Variants in ALG11 observed in about 807,000 individuals in gnomAD.
ALG11 encodes the protein GDP-Man:Man(3)GlcNAc(2)-PP-Dol alpha-1,2-mannosyltransferase.
A neutral mutation model predicts 38.8 loss-of-function variants in ALG11; 26 were observed. The ratio of observed to expected loss-of-function variants is 0.67; its 90% CI spans 0.49 to 0.93. The LOEUF (loss-of-function observed/expected upper bound fraction) is 0.93. Among genes scored for constraint, ALG11 ranks in the 40% least tolerant of loss-of-function variants. The probability of loss-of-function intolerance (pLI) is 0.00; values close to 1 mark genes in which losing one functional copy is unlikely to be tolerated. For synonymous variants in ALG11, 199 were observed against 211.6 expected (o/e 0.94, Z 0.52); for missense variants, 535 against 578.8 (o/e 0.92, Z 0.78).
intron 1 of ALG11, among the ~76,000 whole-genome samples, chr13:52,018,685 A>C (rs766425602): frequency 2.6e-5 from 4 of 152,202 alleles, no homozygotes; most frequent in Admixed American, 2.6e-4. Flanking sequence ...AGTATGTTCA[A>C]TTGGTAACAT....
rs369694921 is a variant in ALG11 at position 52,028,380 on chromosome 13, G to A, written c.1269G>A (p.Lys423=). The A allele has an allele frequency of 1.1e-5, 18 of 1,614,018 alleles. No individual in the cohort carries two copies. The Admixed American group carries it at 1.3e-4, about 12-fold the overall frequency. ...IILAHNSGGP[K]LDIVVPHEGD... The stretch of plus-strand genomic sequence containing the variant: ...TTGCACACAATTCGGGGGGCCCAAA[G>A]CTTGACATTGTGGTTCCTCACGAAG... The change falls in exon 4 of 4, where the codon AAG becomes AAA. Residue 423 remains lysine (K), a synonymous_variant. Coordinates refer to ENST00000521508, the MANE Select transcript of ALG11 (RefSeq NM_001004127.3).
Position 52,024,922 on chromosome 13 carries a change from G to A in ALG11, c.1192G>A (p.Glu398Lys), listed in dbSNP as rs387907183. 2.5e-6 allele frequency: 4 copies of A among 1,609,726 alleles called. No individual in the cohort carries two copies. Among genetic ancestry groups the A allele is most frequent in the Admixed American group, 1.7e-5 (1 of 60,020 alleles). ...ATIGLHTMWNEHFGIGVVECM... is the reference protein window; with the variant it reads ...ATIGLHTMWNKHFGIGVVECM... ...AATTGGTCTGCATACCATGTGGAAC[G>A]AGCATTTTGGGATTGGTGAGTTTGG... is the stretch of plus-strand genomic sequence containing the variant. Residue 398 changes from glutamate (E) to lysine (K), a missense_variant, in exon 3 of 4, where the codon GAG (glutamate) becomes AAG (lysine). By Grantham distance (56) the Glu-to-Lys change is moderately conservative. Transcript: ENST00000521508.
At position 52,029,831 on chromosome 13, in the gene ALG11, G is replaced by A. The variant is rs1377571263; in HGVS notation, c.*1241G>A. 1.9e-6 allele frequency: 3 copies of A among 1,614,232 alleles called. No individual in the cohort carries two copies. Among genetic ancestry groups the A allele is most frequent in the Non-Finnish European group, 2.5e-6 (3 of 1,180,044 alleles). On this transcript the variant is annotated 3_prime_UTR_variant, in exon 4 of 4. Transcript: ENST00000521508. ...GAAACTCCAGGTAGCCTCTGAGAGT[G>A]AGGAAGAGGAGGGAGGCACAGAAGT... is the stretch of plus-strand genomic sequence containing the variant.
chr13:52,018,796 A>G (rs1015401918), intron 1 of ALG11, 117 bp from the exon 2 acceptor site: 3 of 867,558 alleles, frequency 3.5e-6, no homozygotes, highest in Middle Eastern at 3.4e-4. Context: ...AGACTCGTTA[A>G]AGACAATTCT....
intron 2 of ALG11, among the ~76,000 whole-genome samples, chr13:52,020,018 C>G (rs777533935): frequency 6.6e-6 from 1 of 152,034 alleles, no homozygotes; most frequent in East Asian, 1.9e-4. Flanking sequence ...TAACTGGTCC[C>G]CTTGGGAGAG....
rs1332195077 is a variant in ALG11 at position 52,031,210 on chromosome 13, A to G, written c.*2620A>G. 1.3e-5 allele frequency: 19 copies of G among 1,488,574 alleles called. No individual in the cohort carries two copies. Among genetic ancestry groups the G allele is most frequent in the South Asian group, 1.4e-5 (1 of 69,492 alleles). The allele number at this position is 1,488,574 out of a possible 1,614,324, so 92.2% of individuals were successfully genotyped here. On this transcript the variant is annotated 3_prime_UTR_variant, in exon 4 of 4. Transcript: ENST00000521508. ...TTCCAAAACTGGCTCAGCACATTGC[A>G]TGTAGTTGAGCCACATTTTTTAAAA...
rs771264266 is a variant in ALG11, at chr13:52,029,902, T to C, written c.*1312T>C. On this transcript the variant is annotated 3_prime_UTR_variant, in exon 4 of 4. Transcript: ENST00000521508. ...ATGTAGCGAATGAAGTGCAGATGAATGTGGACGGACCGAATCCCTGGATGT... is the reference window on the plus strand; with the variant it reads ...ATGTAGCGAATGAAGTGCAGATGAACGTGGACGGACCGAATCCCTGGATGT... 6.2e-7 allele frequency: 1 copy of C among 1,614,150 alleles called. No individual in the cohort carries two copies. The highest frequency in any genetic ancestry group is 8.5e-7 in the Non-Finnish European group (1 of 1,180,028).
chr13:52,012,548 A>G (rs1245193033), intron 1 of ALG11, 86 bp downstream of exon 1: 1 of 1,577,248 alleles, frequency 6.3e-7, no homozygotes, highest in Non-Finnish European at 8.7e-7. Context: ...TTTGCGGGCA[A>G]ATGGCCTTCC....
Position 52,029,269 on chromosome 13 carries a change from G to A in ALG11, c.*679G>A. 1 of 1,614,208 alleles carries A rather than the reference G, an allele frequency of 6.2e-7. No homozygotes were observed. The highest frequency in any genetic ancestry group is 1.1e-5 in the South Asian group (1 of 91,082). ...TCCTGAAGAACCAGCAGGCAGAGCA[G>A]CTGGTTTTTCCCCTGGGGAAGGAGC... On this transcript the variant is annotated 3_prime_UTR_variant, in exon 4 of 4. Transcript: ENST00000521508.
chr13:52,012,520 C>T, intron 1 of ALG11, 58 bp downstream of exon 1: 2 of 1,612,326 alleles, frequency 1.2e-6, no homozygotes, highest in Non-Finnish European at 8.5e-7. Context: ...GGTACTTGCC[C>T]GTCCAGTGTA....
At chr13:52,013,755 C>T (rs1328823665) in intron 1 of ALG11, among the ~76,000 whole-genome samples, 3 of 152,134 alleles carry the variant, frequency 2.0e-5, no homozygotes, top group Non-Finnish European at 4.4e-5. Flanking sequence ...TAAATCTTAC[C>T]ACTTTTGTCA....
intron 1 of ALG11, chr13:52,017,252 A>G (rs1352383397): frequency 6.6e-6 from 1 of 152,300 alleles, no homozygotes; most frequent in Non-Finnish European, 1.5e-5. Context: ...TTACAGGCTC[A>G]TAGGCAGAAG....
intron 1 of ALG11, among the ~76,000 whole-genome samples, chr13:52,015,030 A>C (rs1024877491): frequency 4.6e-5 from 7 of 152,224 alleles, no homozygotes; most frequent in African/African-American, 1.7e-4. Context: ...AGATTTGTTC[A>C]CAATAGGAAC....
chr13:52,018,848 C>A, intron 1 of ALG11, 65 bp from the exon 2 acceptor site: 1 of 1,370,716 alleles, frequency 7.3e-7, no homozygotes. Flanking sequence ...TAAAAGCAGA[C>A]TTTAATTTGT....
Position 52,031,041 on chromosome 13 carries a change from T to C in ALG11, c.*2451T>C. 1 of 1,614,164 alleles carries C rather than the reference T, an allele frequency of 6.2e-7. No homozygotes were observed. The highest frequency in any genetic ancestry group is 8.5e-7 in the Non-Finnish European group (1 of 1,180,024). On this transcript the variant is annotated 3_prime_UTR_variant, in exon 4 of 4. Coordinates refer to ENST00000521508, the MANE Select transcript of ALG11 (RefSeq NM_001004127.3). Reference sequence around the variant, plus strand: ...TACCAGTCTTCCTCAAGGTCAGACCTGCCTGTCATACAGAGGAATCCAAAA... The same window carrying C: ...TACCAGTCTTCCTCAAGGTCAGACCCGCCTGTCATACAGAGGAATCCAAAA...
At chr13:52,014,612 A>G (rs1954119394) in intron 1 of ALG11, among the ~76,000 whole-genome samples, 1 of 151,428 alleles carries the variant, frequency 6.6e-6, no homozygotes, top group Non-Finnish European at 1.5e-5. Context: ...ATAGCTTACT[A>G]CAGCCTTGAA....
chr13:52,019,353 C>G (rs938402481), intron 2 of ALG11, among the ~76,000 whole-genome samples: 3 of 151,394 alleles, frequency 2.0e-5, no homozygotes, highest in Admixed American at 6.6e-5. Flanking sequence ...TCCCGAGTAG[C>G]TGGGACTACA....
At chr13:52,016,797 AG>A (rs1954137970) in intron 1 of ALG11, 1 of 152,248 alleles carries the variant, frequency 6.6e-6, no homozygotes, top group East Asian at 1.9e-4. Context: ...GCAGTGCAGA[AG>A]GGAAATGTGG....
chr13:52,029,388 A>G lies in ALG11; in HGVS notation c.*798A>G. 6.2e-7 allele frequency: 1 copy of G among 1,614,138 alleles called. No individual in the cohort carries two copies. On this transcript the variant is annotated 3_prime_UTR_variant, in exon 4 of 4. Coordinates refer to ENST00000521508, the MANE Select transcript of ALG11 (RefSeq NM_001004127.3). ...ATTTTTAACCTCCTCCATAAGAACA[A>G]GCAGCCAGTGACAGATCCTTTACTG...
Sources: allele counts gnomAD v4.1 joint callset (sites outside exome capture counted in the v4.1 genomes callset), GRCh38; gene constraint gnomAD v4.1.1; transcripts MANE v1.5; gene names NCBI Gene and HGNC (gene_info 2026-07-23, HGNC 2026-07-21).